Variants in LARP1 observed in about 807,000 individuals in gnomAD.
LARP1 encodes the protein la-related protein 1.
Under a neutral mutation model 122.7 loss-of-function variants are expected in LARP1, and 36 were observed. That is an observed-to-expected ratio of 0.29 (90% confidence interval 0.22 to 0.39). The LOEUF (loss-of-function observed/expected upper bound fraction) is 0.39, where lower values mean the gene tolerates loss of function less well. Ranked by LOEUF, LARP1 falls within the 10% of genes least tolerant of loss-of-function variation. The pLI, the probability that LARP1 is intolerant of heterozygous loss-of-function variation, is 1.00. For synonymous variants in LARP1, 539 were observed against 528.7 expected (o/e 1.02, Z -0.27); for missense variants, 1,040 against 1,403.6 (o/e 0.74, Z 4.14).
chr5:154,788,920 A>T (rs561397469), intron 1 of LARP1, among the ~76,000 whole-genome samples: 3 of 152,268 alleles, frequency 2.0e-5, no homozygotes, highest in East Asian at 1.9e-4. Flanking sequence ...AAGGATTTTT[A>T]AAAAACTTTA....
At chr5:154,693,107 G>A (rs376354032) in intron 1 of LARP1, among the ~76,000 whole-genome samples, 5 of 151,060 alleles carry the variant, frequency 3.3e-5, no homozygotes, top group African/African-American at 1.2e-4. Context: ...TTACAGGTGT[G>A]AGCCACTGTG....
intron 1 of LARP1, among the ~76,000 whole-genome samples, chr5:154,721,280 G>A (rs775993241): frequency 6.6e-5 from 10 of 150,746 alleles, no homozygotes; most frequent in Non-Finnish European, 8.8e-5. Context: ...CTAGGAGGTC[G>A]AGGTTGCAGT....
chr5:154,792,853 C>T (rs932113640), intron 4 of LARP1, 57 bp downstream of exon 4: 24 of 1,557,872 alleles, frequency 1.5e-5, no homozygotes, highest in East Asian at 2.2e-5. Context: ...TGTGAAATGT[C>T]AGGACTCCAG....
Position 154,814,322 on chromosome 5 carries a change from T to C in LARP1, c.*226T>C, listed in dbSNP as rs1759523105. ...CCTCCTCTCTCCATGACTCTTGACA[T>C]CCTAGCTTCTTCTAAGGGGGGAGGG... On this transcript the variant is annotated 3_prime_UTR_variant, in exon 19 of 19. Coordinates refer to ENST00000518297, the MANE Select transcript of LARP1 (RefSeq NM_033551.3). The C allele has an allele frequency of 7.2e-6, 3 of 416,226 alleles. No individual in the cohort carries two copies. Among genetic ancestry groups the C allele is most frequent in the Non-Finnish European group, 1.3e-5 (3 of 231,160 alleles). The allele number at this position is 416,226 out of a possible 1,614,324, so 25.8% of individuals were successfully genotyped here.
chr5:154,693,355 A>G (rs1441467341), intron 1 of LARP1, among the ~76,000 whole-genome samples: 1 of 152,088 alleles, frequency 6.6e-6, no homozygotes, highest in Non-Finnish European at 1.5e-5. Flanking sequence ...CAGGCTCACA[A>G]GCAGGTTTCT....
rs778442131 is a variant in LARP1, at chr5:154,800,045, G to A, written c.1716+3G>A. The stretch of plus-strand genomic sequence containing the variant: ...GGCCATCCCCAGCACGGCCCAAGGT[G>A]GGTGAGGCCTTGTCCCTTGCCTTGG... On this transcript the variant is annotated splice_donor_region_variant and intron_variant, in intron 10 of 18. Transcript: ENST00000518297. 1 of 1,612,766 alleles carries A rather than the reference G, an allele frequency of 6.2e-7. No homozygotes were observed. The highest frequency in any genetic ancestry group is 8.5e-7 in the Non-Finnish European group (1 of 1,179,688).
intron 1 of LARP1, among the ~76,000 whole-genome samples, chr5:154,770,855 G>A (rs1327276876): frequency 6.6e-6 from 1 of 152,114 alleles, no homozygotes; most frequent in African/African-American, 2.4e-5. Context: ...GCTCATGCCT[G>A]TAATCCCAGC....
intron 1 of LARP1, among the ~76,000 whole-genome samples, chr5:154,761,076 A>G (rs1754405397): frequency 6.6e-6 from 1 of 152,236 alleles, no homozygotes; most frequent in South Asian, 2.1e-4. Flanking sequence ...ATCTTAGCCA[A>G]AAGGCCAAGA....
At chr5:154,806,789 A>G (rs1456406396) in intron 15 of LARP1, among the ~76,000 whole-genome samples, 1 of 152,204 alleles carries the variant, frequency 6.6e-6, no homozygotes. Context: ...TTCTTACTCT[A>G]TGTGTAATAA....
intron 1 of LARP1, among the ~76,000 whole-genome samples, chr5:154,747,307 A>C (rs1172549668): frequency 1.3e-4 from 19 of 146,592 alleles, no homozygotes; most frequent in African/African-American, 4.0e-4. Flanking sequence ...CTCTGTCCCA[A>C]AAAAAAAAAA....
At position 154,793,966 on chromosome 5, in the gene LARP1, T is replaced by C; in HGVS notation, c.1035T>C (p.Gly345=). Residue 345 remains glycine (G), a synonymous_variant, in exon 6 of 19, where the codon GGT becomes GGC. Coordinates refer to ENST00000518297, the MANE Select transcript of LARP1 (RefSeq NM_033551.3). ...TCCGTGGCCGTGGACGGGGGCGTGG[T>C]CGCGGCCGGGGACGCGGCCGGGGTG... ...ASFRGRGRGR[G]RGRGRGRGGT... 1 of 1,611,716 alleles carries C rather than the reference T, an allele frequency of 6.2e-7. No homozygotes were observed. The highest frequency in any genetic ancestry group is 1.3e-5 in the African/African-American group (1 of 74,930).
chr5:154,794,434 T>G (rs78009040), intron 7 of LARP1, among the ~76,000 whole-genome samples, 172 bp downstream of exon 7: 1 of 152,236 alleles, frequency 6.6e-6, no homozygotes, highest in East Asian at 1.9e-4. Context: ...TCTCATTGTT[T>G]ATTACAGAAG....
At chr5:154,710,268 G>A (rs1005270117), upstream of LARP1, among the ~76,000 whole-genome samples, 1 of 152,140 alleles carries the variant, frequency 6.6e-6, no homozygotes. Context: ...AGTAAACAGA[G>A]CTAGGGAATT....
intron 1 of LARP1, chr5:154,729,617 C>T (rs1233021950): frequency 9.7e-6 from 4 of 410,738 alleles, no homozygotes; most frequent in African/African-American, 8.3e-5. Context: ...CCAGCCACTC[C>T]ACCCAAACAC....
intron 15 of LARP1, among the ~76,000 whole-genome samples, chr5:154,807,761 C>T (rs1409925249): frequency 1.3e-5 from 2 of 152,126 alleles, no homozygotes; most frequent in Admixed American, 6.5e-5. Flanking sequence ...ACTATGTTGA[C>T]CATGGTGGTC....
At position 154,817,501 on chromosome 5, in the gene LARP1, C is replaced by G. The variant is rs1196736590; in HGVS notation, c.*3405C>G. 4 of 152,614 alleles carry G rather than the reference C, an allele frequency of 2.6e-5. No homozygotes were observed. Among genetic ancestry groups the G allele is most frequent in the Non-Finnish European group, 5.9e-5 (4 of 68,038 alleles). The allele number at this position is 152,614 out of a possible 1,614,324, so 9.5% of individuals were successfully genotyped here. A position where few individuals can be genotyped will look rare whatever the true frequency, so the allele number is the denominator to read the frequency against. On this transcript the variant is annotated 3_prime_UTR_variant, in exon 19 of 19. Coordinates refer to ENST00000518297, the MANE Select transcript of LARP1 (RefSeq NM_033551.3). ...ATCTGCTTTCCAGGCTGAAGTGATT[C>G]ATTCATTATTCTAGTCCTGCTTTAG... is the stretch of plus-strand genomic sequence containing the variant.
chr5:154,711,141 CTT>C (rs544780959), upstream of LARP1, among the ~76,000 whole-genome samples: 1,139 of 135,186 alleles, frequency 8.4e-3, 9 homozygotes, highest in African/African-American at 0.029. Flanking sequence ...CAGTGTGGTA[CTT>C]TTTTTTTTTT....
Position 154,808,502 on chromosome 5 carries a change from A to C in LARP1, c.2742A>C (p.Thr914=), listed in dbSNP as rs776686702. Residue 914 remains threonine (T), a synonymous_variant, in exon 16 of 19, where the codon ACA becomes ACC. Coordinates refer to ENST00000518297, the MANE Select transcript of LARP1 (RefSeq NM_033551.3). ...TTGGCCAGTCTCAGGAGATGAACAC[A>C]CTCTTCCGCTTCTGGTCCTTCTTCC... ...LGIGQSQEMN[T]LFRFWSFFLR... 1 of 1,613,500 alleles carries C rather than the reference A, an allele frequency of 6.2e-7. No homozygotes were observed. Among genetic ancestry groups the C allele is most frequent in the Non-Finnish European group, 8.5e-7 (1 of 1,179,942 alleles).
At chr5:154,772,688 G>A (rs986592324) in intron 1 of LARP1, among the ~76,000 whole-genome samples, 2 of 152,074 alleles carry the variant, frequency 1.3e-5, no homozygotes, top group African/African-American at 4.8e-5. Context: ...AATATCTTTT[G>A]TTTTGTTTTG....
Sources: allele counts gnomAD v4.1 joint callset (sites outside exome capture counted in the v4.1 genomes callset), GRCh38; gene constraint gnomAD v4.1.1; transcripts MANE v1.5; gene names NCBI Gene and HGNC (gene_info 2026-07-23, HGNC 2026-07-21).